The following GAREM1 variants were observed in gnomAD, a reference collection of about 807,000 sequenced individuals.
GAREM1 encodes the protein GRB2-associated and regulator of MAPK protein 1.
Under a neutral mutation model 71.3 loss-of-function variants are expected in GAREM1, and 26 were observed. The ratio of observed to expected loss-of-function variants is 0.36; its 90% CI spans 0.27 to 0.51. The LOEUF (loss-of-function observed/expected upper bound fraction) is 0.51, where lower values mean the gene tolerates loss of function less well. Ranked by LOEUF, GAREM1 falls within the 20% of genes least tolerant of loss-of-function variation. The pLI, the probability that GAREM1 is intolerant of heterozygous loss-of-function variation, is 0.95. For missense variants in GAREM1, 1,026 were observed against 1,103.1 expected (o/e 0.93, Z 0.99); for synonymous variants, 440 against 433.2 (o/e 1.02, Z -0.20).
rs189198716 is a variant in GAREM1, at chr18:32,399,728, G to A, written c.122-6693C>T. Among the ~76,000 whole-genome samples, 1,399 of 152,132 alleles carry A rather than the reference G, an allele frequency of 9.2e-3. 15 individuals are homozygous for A. Among genetic ancestry groups the A allele is most frequent in the Non-Finnish European group, 0.013 (853 of 67,992 alleles). On this transcript the variant is annotated intron_variant, in intron 1 of 5. Coordinates refer to ENST00000269209, the MANE Select transcript of GAREM1 (RefSeq NM_001242409.2). Reference sequence around the variant, plus strand: ...CTCATGGATAGGAAGAATCAATATCGTGAAAATGGCCATACTGCCCAAGGT... The same window carrying A: ...CTCATGGATAGGAAGAATCAATATCATGAAAATGGCCATACTGCCCAAGGT...
At chr18:32,329,875 C>T (rs768164714) in intron 2 of GAREM1, among the ~76,000 whole-genome samples, 1 of 152,070 alleles carries the variant, frequency 6.6e-6, no homozygotes, top group South Asian at 2.1e-4. Flanking sequence ...CCCAGCAATT[C>T]TACCCCTGTG....
chr18:32,336,231 C>T (rs993648541), intron 2 of GAREM1, among the ~76,000 whole-genome samples: 1 of 151,996 alleles, frequency 6.6e-6, no homozygotes, highest in Admixed American at 6.6e-5. Context: ...GAGATCGAGA[C>T]CATCCTGGCT....
intron 2 of GAREM1, among the ~76,000 whole-genome samples, chr18:32,320,849 G>T (rs1023219085): frequency 5.9e-5 from 9 of 152,176 alleles, no homozygotes; most frequent in Non-Finnish European, 1.0e-4. Flanking sequence ...TGCTTCTTCA[G>T]AATTACCAGA....
chr18:32,362,442 G>A (rs368826816), intron 2 of GAREM1, among the ~76,000 whole-genome samples: 3 of 151,926 alleles, frequency 2.0e-5, no homozygotes, highest in Non-Finnish European at 2.9e-5. Context: ...ATTTTCCTTC[G>A]GTTGTTAAAT....
intron 3 of GAREM1, among the ~76,000 whole-genome samples, chr18:32,304,484 C>A (rs777920926): frequency 6.6e-6 from 1 of 152,120 alleles, no homozygotes; most frequent in African/African-American, 2.4e-5. Flanking sequence ...TAATTTTAGG[C>A]TCTATGGGCT....
chr18:32,465,580 T>C (rs1446320924), intron 1 of GAREM1, among the ~76,000 whole-genome samples: 1 of 152,138 alleles, frequency 6.6e-6, no homozygotes, highest in Non-Finnish European at 1.5e-5. Context: ...CTCTTTTTCT[T>C]CCCTCTCCCT....
rs377230869 is a variant in GAREM1 at position 32,389,283 on chromosome 18, G to C, written c.262+3612C>G. Among the ~76,000 whole-genome samples, 22 of 152,212 alleles carry C rather than the reference G, an allele frequency of 1.4e-4. No homozygotes were observed. In the South Asian group the frequency reaches 4.6e-3, roughly 32 times the overall value. ...ATTCAACTTGTAATTAGTAGTGCAG[G>C]ATAAAGAATTAAATCCTTAGAAACA... On this transcript the variant is annotated intron_variant, in intron 2 of 5. Coordinates refer to ENST00000269209, the MANE Select transcript of GAREM1 (RefSeq NM_001242409.2).
chr18:32,269,555 T>G (rs1188601799), intron 5 of GAREM1, among the ~76,000 whole-genome samples: 1 of 152,196 alleles, frequency 6.6e-6, no homozygotes, highest in African/African-American at 2.4e-5. Flanking sequence ...GACTCGGAAT[T>G]TTCATGAGTT....
chr18:32,372,583 C>T (rs2047993175), intron 2 of GAREM1, among the ~76,000 whole-genome samples: 1 of 152,166 alleles, frequency 6.6e-6, no homozygotes. Context: ...GAGTGACACC[C>T]AGTGAGTCAT....
At chr18:32,430,758 G>C (rs929423579) in intron 1 of GAREM1, among the ~76,000 whole-genome samples, 3 of 152,242 alleles carry the variant, frequency 2.0e-5, no homozygotes, top group Non-Finnish European at 4.4e-5. Context: ...TGAACGAGGA[G>C]AATCCTCTCT....
At chr18:32,458,161 TTAAA>T (rs1347991729) in intron 1 of GAREM1, among the ~76,000 whole-genome samples, 1 of 152,094 alleles carries the variant, frequency 6.6e-6, no homozygotes, top group Non-Finnish European at 1.5e-5. Context: ...GTAAAAATAA[TTAAA>T]TATTTTTACA....
Position 32,406,580 on chromosome 18 carries a change from G to A in GAREM1, c.122-13545C>T, listed in dbSNP as rs151160858. On this transcript the variant is annotated intron_variant, in intron 1 of 5. Coordinates refer to ENST00000269209, the MANE Select transcript of GAREM1 (RefSeq NM_001242409.2). Reference sequence around the variant, plus strand: ...ATCAAAAAATGAAAATGTTGTCTGCGAAAAGGAAGCAAAGTGTTCCAAACA... The same window carrying A: ...ATCAAAAAATGAAAATGTTGTCTGCAAAAAGGAAGCAAAGTGTTCCAAACA... Among the ~76,000 whole-genome samples the A allele has an allele frequency of 1.2e-3, 184 of 152,280 alleles. 1 individual carries two copies. The highest frequency in any genetic ancestry group is 4.2e-3 in the African/African-American group (173 of 41,544).
intron 3 of GAREM1, among the ~76,000 whole-genome samples, chr18:32,302,223 T>C (rs1412103770): frequency 6.6e-6 from 1 of 152,184 alleles, no homozygotes; most frequent in Non-Finnish European, 1.5e-5. Context: ...TGGCTTCATA[T>C]GAACCAATGA....
intron 3 of GAREM1, among the ~76,000 whole-genome samples, chr18:32,298,676 A>C (rs1466633154): frequency 6.6e-6 from 1 of 152,178 alleles, no homozygotes; most frequent in Admixed American, 6.6e-5. Flanking sequence ...CTCTGTCTGA[A>C]GGTTCTGGCA....
chr18:32,352,134 A>G (rs1215240372), intron 2 of GAREM1, among the ~76,000 whole-genome samples: 1 of 152,206 alleles, frequency 6.6e-6, no homozygotes, highest in African/African-American at 2.4e-5. Context: ...ATTATCAGAA[A>G]ACAGGCAGCC....
Position 32,393,030 on chromosome 18 carries a change from A to G in GAREM1, c.127T>C (p.Cys43Arg), listed in dbSNP as rs138867528. The part of the protein sequence containing the change: ...PQIARLDNGE[C>R]VEGLRENDYL... ...TCATTTTCCCGCAGCCCTTCTACGC[A>G]CTCTCCTAGGAAATACAATTTTATA... is the stretch of plus-strand genomic sequence containing the variant. The change falls in exon 2 of 6, where the codon TGC becomes CGC. Residue 43 changes from cysteine (C) to arginine (R), a missense_variant. By Grantham distance (180) the Cys-to-Arg change is radical (BLOSUM62 -3). Coordinates refer to ENST00000269209, the MANE Select transcript of GAREM1 (RefSeq NM_001242409.2). The G allele has an allele frequency of 5.0e-5, 81 of 1,613,228 alleles. No homozygotes were observed. Among genetic ancestry groups the G allele is most frequent in the Middle Eastern group, 3.3e-4 (2 of 6,044 alleles).
intron 4 of GAREM1, among the ~76,000 whole-genome samples, chr18:32,277,903 T>C (rs903168668): frequency 1.3e-5 from 2 of 152,216 alleles, no homozygotes; most frequent in Non-Finnish European, 2.9e-5. Context: ...ATACATACAA[T>C]TGGAGTGCTT....
intron 2 of GAREM1, among the ~76,000 whole-genome samples, chr18:32,364,019 TA>T (rs1567980758): frequency 3.5e-4 from 24 of 69,366 alleles, no homozygotes; most frequent in African/African-American, 1.9e-3. Context: ...TATATATATA[TA>T]TATATATGTT....
At chr18:32,423,398 T>C (rs2048540008) in intron 1 of GAREM1, among the ~76,000 whole-genome samples, 2 of 152,356 alleles carry the variant, frequency 1.3e-5, no homozygotes, top group African/African-American at 2.4e-5. Context: ...CATGTGAATG[T>C]GAAAACTAGT....
Sources: gnomAD v4.1 joint callset for allele counts (sites outside exome capture counted in the v4.1 genomes callset) on GRCh38, gnomAD v4.1.1 for gene constraint, MANE v1.5 for transcripts, NCBI Gene and HGNC (gene_info 2026-07-23, HGNC 2026-07-21) for gene names.